The following FXYD5 variants were observed in gnomAD, a reference collection of about 807,000 sequenced individuals.
The protein encoded by FXYD5 is FXYD domain-containing ion transport regulator 5.
Under a neutral mutation model 25.7 loss-of-function variants are expected in FXYD5, and 21 were observed. That is an observed-to-expected ratio of 0.82 (90% confidence interval 0.58 to 1.18). The LOEUF is 1.18. Ranked by LOEUF, FXYD5 falls within the 50% of genes most tolerant of loss-of-function variation. The pLI, the probability that FXYD5 is intolerant of heterozygous loss-of-function variation, is 0.00. For synonymous variants in FXYD5, 101 were observed against 90.7 expected (o/e 1.11, Z -0.64); for missense variants, 229 against 227.7 (o/e 1.01, Z -0.04).
chr19:35,164,273 A>G (rs1427690573), intron 6 of FXYD5, 28 bp downstream of exon 6: 2 of 1,593,814 alleles, frequency 1.3e-6, no homozygotes, highest in East Asian at 2.2e-5. Flanking sequence ...CAGACTGGAA[A>G]CAGGCTATTT....
Position 35,166,153 on chromosome 19 carries a change from G to A in FXYD5, c.394G>A (p.Asp132Asn). The A allele has an allele frequency of 6.2e-7, 1 of 1,613,968 alleles. No individual in the cohort carries two copies. ...GTCTGCCTCTCCAGGTTTTCATGAGGATGACCCCTTCTTCTATGGTAAGTT... is the reference window on the plus strand; with the variant it reads ...GTCTGCCTCTCCAGGTTTTCATGAGAATGACCCCTTCTTCTATGGTAAGTT... Reference protein sequence around the residue: ...QTLKPSGFHEDDPFFYDEHTL... With the variant: ...QTLKPSGFHENDPFFYDEHTL... The change falls in exon 7 of 9, where the codon GAT becomes AAT. Residue 132 changes from aspartate (D) to asparagine (N), a missense_variant. Asp to Asn is a conservative substitution (Grantham distance 23). Transcript: ENST00000392219.
chr19:35,167,881 G>T (rs752903473), intron 8 of FXYD5, among the ~76,000 whole-genome samples: 27 of 152,140 alleles, frequency 1.8e-4, no homozygotes, highest in Non-Finnish European at 3.7e-4. Flanking sequence ...GGCTCAGAGA[G>T]TTAAGGAGTT....
At chr19:35,161,248 A>ACACACACACACACACACACACACACAC (rs61309039) in intron 5 of FXYD5, among the ~76,000 whole-genome samples, 6,730 of 142,408 alleles carry the variant, frequency 0.047, 354 homozygotes, top group African/African-American at 0.084. Context: ...ACACACACAC[A>ACACACACACACACACACACACACACAC]AAAGAATGAT....
At chr19:35,158,531 C>T in intron 4 of FXYD5, 131 bp downstream of exon 4, 1 of 643,942 alleles carries the variant, frequency 1.6e-6, no homozygotes, top group Non-Finnish European at 2.8e-6. Flanking sequence ...CTGGTTTACT[C>T]TGGGTGGGGA....
rs539001366 is a variant in FXYD5 at position 35,167,922 on chromosome 19, G to C, written c.487+1597G>C. Among the ~76,000 whole-genome samples the C allele has an allele frequency of 5.9e-5, 9 of 152,286 alleles. No homozygotes were observed. The South Asian group carries it at 1.0e-3, about 18-fold the overall frequency. The stretch of plus-strand genomic sequence containing the variant: ...AAGGTCACACAGCACAGAAGAGTCA[G>C]TAAATTCATTTGCTGGCGGGACACG... On this transcript the variant is annotated intron_variant, in intron 8 of 8. Transcript: ENST00000392219.
chr19:35,164,086 C>G, intron 5 of FXYD5, 70 bp from the exon 6 acceptor site: 1 of 1,611,248 alleles, frequency 6.2e-7, no homozygotes, highest in African/African-American at 1.3e-5. Context: ...GATGCAGACT[C>G]TCAGTAATAT....
In FXYD5 at chr19:35,169,594, A is replaced by G. The variant is rs1413089589; in HGVS notation, c.516A>G (p.Leu172=). ...TSGKCRQLSR[L]CRNRCR ...GCAAGTGCAGGCAGCTGTCCCGGTT[A>G]TGCCGGAATCGTTGCAGGTGAGTCC... The change falls in exon 9 of 9, where the codon TTA becomes TTG. Residue 172 remains leucine (L), a synonymous_variant. Coordinates refer to ENST00000392219, the MANE Select transcript of FXYD5 (RefSeq NM_014164.6). The G allele has an allele frequency of 1.9e-6, 3 of 1,611,904 alleles. No homozygotes were observed. In the African/African-American group the frequency reaches 4.0e-5, roughly 22 times the overall value.
Position 35,157,436 on chromosome 19 carries a change from A to T in FXYD5, c.77A>T (p.Asp26Val), listed in dbSNP as rs144685281. 117 of 1,589,458 alleles carry T rather than the reference A, an allele frequency of 7.4e-5. No individual in the cohort carries two copies. The highest frequency in any genetic ancestry group is 8.9e-5 in the Non-Finnish European group (103 of 1,157,896). Residue 26 changes from aspartate (D) to valine (V), a missense_variant, in exon 3 of 9, where the codon GAT becomes GTT. Asp to Val is a radical substitution (Grantham distance 152). Coordinates refer to ENST00000392219, the MANE Select transcript of FXYD5 (RefSeq NM_014164.6). ...GATTCCCCAGGACAGACGTTGAAAG[A>T]TACCACGTCCAGTTCTTCAGCAGAC... ...ILPTRGQTLK[D>V]TTSSSSADST... is the part of the protein sequence containing the mutation.
chr19:35,163,690 C>T (rs2065425570), intron 5 of FXYD5, among the ~76,000 whole-genome samples: 2 of 152,146 alleles, frequency 1.3e-5, no homozygotes, highest in African/African-American at 2.4e-5. Context: ...CCATGTTGGC[C>T]AGACTGGTCT....
intron 5 of FXYD5, chr19:35,163,922 G>C (rs756252521): frequency 1.5e-6 from 2 of 1,335,060 alleles, no homozygotes; most frequent in Non-Finnish European, 2.0e-6. Flanking sequence ...GGAGTCCCTC[G>C]GGGATTGAGG....
chr19:35,156,554 A>AC (rs2065357474), intron 2 of FXYD5, among the ~76,000 whole-genome samples: 1 of 152,122 alleles, frequency 6.6e-6, no homozygotes, highest in African/African-American at 2.4e-5. Context: ...TGACATTTGG[A>AC]CCAACAAACA....
In FXYD5 at chr19:35,157,427, C is replaced by T. The variant is rs200498362; in HGVS notation, c.68C>T (p.Thr23Met). The T allele has an allele frequency of 4.4e-4, 694 of 1,575,050 alleles. No individual in the cohort carries two copies. The highest frequency in any genetic ancestry group is 5.8e-4 in the Non-Finnish European group (660 of 1,144,836). The stretch of plus-strand genomic sequence containing the variant: ...CTCATCCTTGATTCCCCAGGACAGA[C>T]GTTGAAAGATACCACGTCCAGTTCT... ...VGLILPTRGQ[T>M]LKDTTSSSSA... Residue 23 changes from threonine to methionine, a missense_variant, in exon 3 of 9, where the codon ACG becomes ATG. Physicochemically the swap from Thr to Met is moderately conservative, Grantham distance 81. Transcript: ENST00000392219.
chr19:35,161,645 C>T (rs1568413487), intron 5 of FXYD5, among the ~76,000 whole-genome samples: 1 of 152,132 alleles, frequency 6.6e-6, no homozygotes. Context: ...ACCACATAGA[C>T]CAAGAGTCAG....
At chr19:35,166,059 C>G (rs1388355478) in intron 6 of FXYD5, 83 bp from the exon 7 acceptor site, 1 of 1,292,216 alleles carries the variant, frequency 7.7e-7, no homozygotes, top group African/African-American at 1.5e-5. Flanking sequence ...ACCCAGGTAT[C>G]CCCCTTTCCT....
chr19:35,160,647 C>T (rs376135327), intron 4 of FXYD5, 62 bp from the exon 5 acceptor site: 1 of 1,176,622 alleles, frequency 8.5e-7, no homozygotes. Context: ...CGCCCGGCCC[C>T]AATTCTCTTT....
intron 8 of FXYD5, among the ~76,000 whole-genome samples, chr19:35,167,024 C>T (rs1002469926): frequency 1.3e-5 from 2 of 152,220 alleles, no homozygotes; most frequent in Admixed American, 1.3e-4. Flanking sequence ...CCCACCCACT[C>T]AATCCAGCAA....
At chr19:35,160,161 A>C (rs1179552152) in intron 4 of FXYD5, among the ~76,000 whole-genome samples, 1 of 152,180 alleles carries the variant, frequency 6.6e-6, no homozygotes, top group Admixed American at 6.5e-5. Context: ...GTGAGCTATG[A>C]TTGCACCACT....
intron 6 of FXYD5, 103 bp downstream of exon 6, chr19:35,164,348 C>G: frequency 8.4e-7 from 1 of 1,184,630 alleles, no homozygotes; most frequent in Non-Finnish European, 1.2e-6. Flanking sequence ...TCAGTAAAGA[C>G]GTGATGGGAA....
chr19:35,167,461 C>A (rs1030232551), intron 8 of FXYD5, among the ~76,000 whole-genome samples: 1 of 152,186 alleles, frequency 6.6e-6, no homozygotes, highest in Non-Finnish European at 1.5e-5. Context: ...CCTCCCACCC[C>A]CCTGTCTCCT....
Sources: gnomAD v4.1 joint callset for allele counts (sites outside exome capture counted in the v4.1 genomes callset) on GRCh38, gnomAD v4.1.1 for gene constraint, MANE v1.5 for transcripts, NCBI Gene and HGNC (gene_info 2026-07-23, HGNC 2026-07-21) for gene names.